The following EFCAB7 variants were observed in gnomAD, a reference collection of about 807,000 sequenced individuals.
The protein encoded by EFCAB7 is EF-hand calcium binding domain 7.
In EFCAB7, 66 loss-of-function variants were observed where a neutral mutation model predicts 77.1. That is an observed-to-expected ratio of 0.86 (90% CI 0.70 to 1.05). The LOEUF (loss-of-function observed/expected upper bound fraction) is 1.05. EFCAB7 is among the 50% of genes least tolerant of loss of function. The probability of loss-of-function intolerance (pLI) is 0.00; values close to 1 mark genes in which losing one functional copy is unlikely to be tolerated. For synonymous variants in EFCAB7, 225 were observed against 243.3 expected (o/e 0.92, Z 0.70); for missense variants, 638 against 730.5 (o/e 0.87, Z 1.46).
At chr1:63,568,125 A>T (rs1647190209) in intron 11 of EFCAB7, among the ~76,000 whole-genome samples, 185 bp from the exon 12 acceptor site, 1 of 152,208 alleles carries the variant, frequency 6.6e-6, no homozygotes, top group South Asian at 2.1e-4. Context: ...ATCAGTTAAT[A>T]TGCTACCAAA....
chr1:63,533,566 C>A lies in EFCAB7; in HGVS notation c.599C>A (p.Ser200Tyr). ...RHQFGNHIEGSPERDPSPVPK... is the reference protein window; with the variant it reads ...RHQFGNHIEGYPERDPSPVPK... ...CAGTTTGGAAACCACATCGAAGGGT[C>A]CCCTGAAAGGGACCCATCACCAGTA... Residue 200 changes from serine (S) to tyrosine (Y), a missense_variant, in exon 5 of 14, where the codon TCC (serine) becomes TAC (tyrosine). Coordinates refer to ENST00000371088, the MANE Select transcript of EFCAB7 (RefSeq NM_032437.4). The A allele has an allele frequency of 6.2e-7, 1 of 1,612,638 alleles. No individual in the cohort carries two copies. Among genetic ancestry groups the A allele is most frequent in the South Asian group, 1.1e-5 (1 of 90,870 alleles).
intron 11 of EFCAB7, among the ~76,000 whole-genome samples, chr1:63,567,845 T>C (rs1647187598): frequency 6.6e-6 from 1 of 152,180 alleles, no homozygotes; most frequent in African/African-American, 2.4e-5. Flanking sequence ...GCAGAAAATA[T>C]TTTTAAGTCT....
At chr1:63,552,244 A>T (rs1236171068) in intron 8 of EFCAB7, among the ~76,000 whole-genome samples, 1 of 152,158 alleles carries the variant, frequency 6.6e-6, no homozygotes, top group Admixed American at 6.5e-5. Flanking sequence ...AAAAAAATTT[A>T]AATAAAGAAT....
Position 63,534,211 on chromosome 1 carries a change from A to G in EFCAB7, c.799A>G (p.Ile267Val), listed in dbSNP as rs754405749. The G allele has an allele frequency of 1.9e-6, 3 of 1,612,038 alleles. No individual in the cohort carries two copies. The highest frequency in any genetic ancestry group is 2.2e-5 in the East Asian group (1 of 44,800). The change falls in exon 6 of 14, where the codon ATA becomes GTA. Residue 267 changes from isoleucine to valine, a missense_variant. By Grantham distance (29) the Ile-to-Val change is conservative. Coordinates refer to ENST00000371088, the MANE Select transcript of EFCAB7 (RefSeq NM_032437.4). ...RNSKLMEPNL[I>V]KDWQHMQSKG... Reference sequence around the variant, plus strand: ...CTCAAAGTTAATGGAGCCAAATTTAATAAAGGTATAGTATTTTAAGTTAAC... The same window carrying G: ...CTCAAAGTTAATGGAGCCAAATTTAGTAAAGGTATAGTATTTTAAGTTAAC...
At chr1:63,532,609 C>G in intron 3 of EFCAB7, 61 bp from the exon 4 acceptor site, 2 of 1,311,064 alleles carry the variant, frequency 1.5e-6, no homozygotes, top group Non-Finnish European at 2.1e-6. Context: ...TTCCACTGTC[C>G]CCATGAATAA....
chr1:63,538,043 A>G (rs1646783580), intron 6 of EFCAB7, among the ~76,000 whole-genome samples: 2 of 152,190 alleles, frequency 1.3e-5, no homozygotes, highest in Admixed American at 6.5e-5. Context: ...ATTTCGTTAT[A>G]TATTATGAAT....
chr1:63,582,662 C>T, the EFCAB7 span, among the ~76,000 whole-genome samples: 15 of 152,300 alleles, frequency 9.8e-5, no homozygotes, highest in Admixed American at 2.6e-4. Context: ...GGCTGGAATG[C>T]AGTGGTGCCA....
At chr1:63,567,446 T>TC (rs1246098655) in intron 11 of EFCAB7, among the ~76,000 whole-genome samples, 2 of 149,126 alleles carry the variant, frequency 1.3e-5, no homozygotes, top group African/African-American at 2.5e-5. Flanking sequence ...AGAGCAAAAC[T>TC]CCATCTCCAA....
intron 6 of EFCAB7, among the ~76,000 whole-genome samples, chr1:63,539,873 A>G (rs543626798): frequency 6.6e-6 from 1 of 152,290 alleles, no homozygotes; most frequent in Admixed American, 6.5e-5. Flanking sequence ...TCAAAGTGTA[A>G]CTTGTCTAAA....
intron 11 of EFCAB7, among the ~76,000 whole-genome samples, chr1:63,565,220 A>T (rs1009697130): frequency 6.6e-6 from 1 of 151,950 alleles, no homozygotes; most frequent in African/African-American, 2.4e-5. Flanking sequence ...TTAGCTGGGC[A>T]TGGTGGCAGG....
intron 6 of EFCAB7, among the ~76,000 whole-genome samples, chr1:63,541,553 A>G (rs1472007556): frequency 2.0e-5 from 3 of 152,074 alleles, no homozygotes; most frequent in Non-Finnish European, 4.4e-5. Flanking sequence ...AAATAATGGT[A>G]TACCAACTCA....
intron 8 of EFCAB7, 141 bp from the exon 9 acceptor site, chr1:63,555,217 T>C: frequency 2.2e-6 from 2 of 921,084 alleles, no homozygotes; most frequent in Non-Finnish European, 3.1e-6. Flanking sequence ...AAAAGACTGA[T>C]AGGACTATAA....
intron 12 of EFCAB7, 81 bp downstream of exon 12, chr1:63,568,600 T>G: frequency 1.8e-6 from 2 of 1,088,838 alleles, no homozygotes; most frequent in Non-Finnish European, 2.6e-6. Context: ...TCTATTCGTA[T>G]GTGGTAATTA....
intron 6 of EFCAB7, among the ~76,000 whole-genome samples, chr1:63,538,050 G>A (rs1211077142): frequency 6.6e-6 from 1 of 152,060 alleles, no homozygotes; most frequent in Non-Finnish European, 1.5e-5. Context: ...TATATATTAT[G>A]AATGAAAATA....
chr1:63,540,293 G>A (rs1477356256), intron 6 of EFCAB7, among the ~76,000 whole-genome samples: 1 of 151,084 alleles, frequency 6.6e-6, no homozygotes, highest in Non-Finnish European at 1.5e-5. Context: ...AAACCTGGGA[G>A]GTGGAGGTGG....
At chr1:63,585,150 G>GTT in the EFCAB7 span, among the ~76,000 whole-genome samples, 14 of 139,710 alleles carry the variant, frequency 1.0e-4, no homozygotes, top group African/African-American at 3.9e-4. Flanking sequence ...TTTGGAAGAG[G>GTT]TTTTTTTTTT....
Position 63,572,542 on chromosome 1 carries a change from C to CT in EFCAB7, c.*27dup, listed in dbSNP as rs1464072761. On this transcript the variant is annotated 3_prime_UTR_variant, in exon 14 of 14. Transcript: ENST00000371088. ...ATAATTATACTTAGAACTTACCAAA[C>CT]TAAGAATTATTTCAGATTTAGTCTG... 2 of 1,384,818 alleles carry CT rather than the reference C, an allele frequency of 1.4e-6. No individual in the cohort carries two copies. Among genetic ancestry groups the CT allele is most frequent in the Non-Finnish European group, 1.9e-6 (2 of 1,033,152 alleles). The allele number at this position is 1,384,818 out of a possible 1,614,324, so 85.8% of individuals were successfully genotyped here.
At chr1:63,549,451 G>C (rs1223506114) in intron 7 of EFCAB7, 1 of 464,264 alleles carries the variant, frequency 2.2e-6, no homozygotes, top group Non-Finnish European at 4.4e-6. Flanking sequence ...GATTGAGTTT[G>C]GAGCTTACTC....
the EFCAB7 span, among the ~76,000 whole-genome samples, chr1:63,585,150 GT>G: frequency 8.1e-3 from 1,129 of 139,522 alleles, 8 homozygotes; most frequent in African/African-American, 0.024. Context: ...TTTGGAAGAG[GT>G]TTTTTTTTTT....
Sources: allele counts gnomAD v4.1 joint callset (sites outside exome capture counted in the v4.1 genomes callset), GRCh38; gene constraint gnomAD v4.1.1; transcripts MANE v1.5; gene names NCBI Gene and HGNC (gene_info 2026-07-23, HGNC 2026-07-21).